ATPAF1: variants seen among roughly 807,000 people sequenced by gnomAD.
The protein encoded by ATPAF1 is homolog of yeast ATP11.
Under a neutral mutation model 43.9 loss-of-function variants are expected in ATPAF1, and 26 were observed. That is an observed-to-expected ratio of 0.59 (90% CI 0.43 to 0.82). The LOEUF is 0.82. ATPAF1 is among the 40% of genes least tolerant of loss of function. The pLI is 0.00. For synonymous variants in ATPAF1, 157 were observed against 168.0 expected, an observed-to-expected ratio of 0.93 and a Z score of 0.50; for missense variants, 366 against 435.0, an observed-to-expected ratio of 0.84 and a Z score of 1.41.
intron 8 of ATPAF1, among the ~76,000 whole-genome samples, chr1:46,638,629 A>G (rs1486392169): frequency 4.6e-5 from 7 of 152,010 alleles, no homozygotes; most frequent in Admixed American, 4.6e-4. Context: ...TCCAAAAAAA[A>G]AAAAAAAAGT....
At chr1:46,633,250 G>A (rs1197161201), downstream of ATPAF1, 2 of 156,168 alleles carry the variant, frequency 1.3e-5, no homozygotes, top group African/African-American at 4.9e-5. Context: ...TCTTTTAACT[G>A]GAATAAAGAA....
At position 46,665,120 on chromosome 1, in the gene ATPAF1, G is replaced by A. The variant is rs965336092; in HGVS notation, c.375+136C>T. The stretch of plus-strand genomic sequence containing the variant: ...AAGAGCAGGATAAACATTTATGGAT[G>A]GAAATGGAGTTGGGAGAGACTATGT... On this transcript the variant is annotated intron_variant, in intron 2 of 8. Transcript: ENST00000574428. 6.1e-5 allele frequency: 46 copies of A among 760,328 alleles called. No homozygotes were observed. The African/African-American group carries it at 7.3e-4, about 12-fold the overall frequency. 47.1% of individuals were successfully genotyped at this position (760,328 alleles called of 1,614,324 possible). A position where few individuals can be genotyped will look rare whatever the true frequency, so the allele number is the denominator to read the frequency against.
intron 6 of ATPAF1, among the ~76,000 whole-genome samples, chr1:46,647,773 C>T (rs1051179881): frequency 6.6e-6 from 1 of 152,130 alleles, no homozygotes; most frequent in African/African-American, 2.4e-5. Context: ...GCAATATGAC[C>T]GGCAGTATAG....
At chr1:46,666,559 G>C (rs1676494676) in intron 1 of ATPAF1, among the ~76,000 whole-genome samples, 1 of 152,214 alleles carries the variant, frequency 6.6e-6, no homozygotes, top group Non-Finnish European at 1.5e-5. Flanking sequence ...ACAAATGAAA[G>C]TACAACAGGT....
Position 46,649,096 on chromosome 1 carries a change from A to G in ATPAF1, c.588+3485T>C, listed in dbSNP as rs1293456808. On this transcript the variant is annotated intron_variant, in intron 6 of 8. Transcript: ENST00000574428. ...AGAATAGCTTAAACCCAGGAGGTGGAGGTTGCAGTGAGCTGAGATCATACT... is the reference window on the plus strand; with the variant it reads ...AGAATAGCTTAAACCCAGGAGGTGGGGGTTGCAGTGAGCTGAGATCATACT... 4.1e-5 allele frequency among the ~76,000 whole-genome samples: 6 copies of G among 144,616 alleles called. No individual in the cohort carries two copies. The South Asian group carries it at 1.3e-3, about 32-fold the overall frequency. The allele number at this position is 144,616 out of a possible 152,430, so 94.9% of individuals were successfully genotyped here. A position where few individuals can be genotyped will look rare whatever the true frequency, so the allele number is the denominator to read the frequency against.
At chr1:46,641,203 G>A (rs1459037913) in intron 8 of ATPAF1, among the ~76,000 whole-genome samples, 1 of 152,066 alleles carries the variant, frequency 6.6e-6, no homozygotes, top group Admixed American at 6.6e-5. Flanking sequence ...TCAGCCTTCC[G>A]AGCAGCTGAG....
intron 6 of ATPAF1, among the ~76,000 whole-genome samples, chr1:46,648,219 C>T (rs1557928552): frequency 6.6e-6 from 1 of 152,162 alleles, no homozygotes; most frequent in Non-Finnish European, 1.5e-5. Flanking sequence ...TCAAGCGATT[C>T]TCATGCCTCA....
In ATPAF1 at chr1:46,653,523, GA is replaced by G. The variant is rs1569618928; in HGVS notation, c.540+293del. Among the ~76,000 whole-genome samples the G allele has an allele frequency of 6.6e-6, 1 of 151,600 alleles. No homozygotes were observed. The highest frequency in any genetic ancestry group is 1.9e-4 in the East Asian group (1 of 5,176). ...CAGCTTGGTTGGAAAACATCAGTAA[GA>G]AAAAAAAGACATCTGGAAATTACTC... On this transcript the variant is annotated intron_variant, in intron 5 of 8. Transcript: ENST00000574428. The surrounding 1 kb of genome is among the most constrained non-coding windows in gnomAD (Gnocchi z 4.8).
At chr1:46,662,856 T>C (rs935006698) in intron 2 of ATPAF1, among the ~76,000 whole-genome samples, 3 of 152,198 alleles carry the variant, frequency 2.0e-5, no homozygotes, top group African/African-American at 7.2e-5. Flanking sequence ...TATCTATACA[T>C]GTACCATGTT....
chr1:46,652,317 C>G, intron 6 of ATPAF1: 1 of 328,606 alleles, frequency 3.0e-6, no homozygotes, highest in Non-Finnish European at 5.6e-6. Flanking sequence ...TGGTAGGGAG[C>G]TAAAAAGCCA....
chr1:46,665,445 C>A, intron 1 of ATPAF1, 81 bp from the exon 2 acceptor site: 1 of 1,443,986 alleles, frequency 6.9e-7, no homozygotes, highest in African/African-American at 1.4e-5. Flanking sequence ...TCCACCTCTA[C>A]AGAGAAAGGA....
rs56095996 is a variant in ATPAF1 at position 46,647,503 on chromosome 1, T to TAC, written c.589-2249_589-2248dup. The stretch of plus-strand genomic sequence containing the variant: ...ATTCCATTGTGTATGTATACACACA[T>TAC]ACACACACACACACACACACATGCA... On this transcript the variant is annotated intron_variant, in intron 6 of 8. Coordinates refer to ENST00000574428, the Ensembl canonical transcript of ATPAF1. Among the ~76,000 whole-genome samples, 597 of 150,710 alleles carry TAC rather than the reference T, an allele frequency of 4.0e-3. 1 individual carries two copies. Among genetic ancestry groups the TAC allele is most frequent in the African/African-American group, 0.012 (484 of 41,090 alleles).
At position 46,668,146 on chromosome 1, in the gene ATPAF1, G is replaced by A. The variant is rs56218488; in HGVS notation, c.177C>T (p.Gly59=). Residue 59 remains glycine, a synonymous_variant, in exon 1 of 9, where the codon GGC becomes GGT. Transcript: ENST00000574428. This position sits in a 1 kb window ranked among gnomAD's most constrained non-coding sequence, Gnocchi z 4.4. ...CGGCCCCGACCCCGCTGCTGTCGGC[G>A]CCCCCCTCGGGCCGGCCCGAGCCGG... is the stretch of plus-strand genomic sequence containing the variant. The A allele has an allele frequency of 3.6e-6, 5 of 1,397,750 alleles. No homozygotes were observed. The highest frequency in any genetic ancestry group is 4.6e-6 in the Non-Finnish European group (5 of 1,076,724). 86.6% of individuals were successfully genotyped at this position (1,397,750 alleles called of 1,614,324 possible). A position where few individuals can be genotyped will look rare whatever the true frequency, so the allele number is the denominator to read the frequency against.
intron 8 of ATPAF1, among the ~76,000 whole-genome samples, chr1:46,637,298 T>G (rs1394230634): frequency 6.6e-6 from 1 of 152,090 alleles, no homozygotes; most frequent in Non-Finnish European, 1.5e-5. Context: ...GAGGATTGCT[T>G]GAGACCAGGA....
At chr1:46,642,308 G>A (rs1675964622) in intron 8 of ATPAF1, among the ~76,000 whole-genome samples, 1 of 152,226 alleles carries the variant, frequency 6.6e-6, no homozygotes, top group Non-Finnish European at 1.5e-5. Context: ...CAGCTGGTAA[G>A]AGAAAGAGAA....
chr1:46,668,216 A>G lies in ATPAF1; in HGVS notation c.107T>C (p.Leu36Pro). ...CAGCTGCGCGGGTGACACGAGCCCCAGGCCCAGGGCGCGGCTGCGCACCGC... is the reference window on the plus strand; with the variant it reads ...CAGCTGCGCGGGTGACACGAGCCCCGGGCCCAGGGCGCGGCTGCGCACCGC... Residue 36 changes from leucine to proline, a missense_variant, in exon 1 of 9, where the codon CTG (leucine) becomes CCG (proline). Transcript: ENST00000574428. The surrounding 1 kb of genome is among the most constrained non-coding windows in gnomAD (Gnocchi z 4.4). The G allele has an allele frequency of 7.3e-7, 1 of 1,369,530 alleles. No individual in the cohort carries two copies. The highest frequency in any genetic ancestry group is 9.4e-7 in the Non-Finnish European group (1 of 1,061,132). 84.8% of individuals were successfully genotyped at this position (1,369,530 alleles called of 1,614,324 possible). A position where few individuals can be genotyped will look rare whatever the true frequency, so the allele number is the denominator to read the frequency against.
In ATPAF1 at chr1:46,668,303, G is replaced by A. The variant is rs1229322701; in HGVS notation, c.20C>T (p.Ala7Val). The stretch of plus-strand genomic sequence containing the variant: ...CGCCGGTCCCGCGCCACCCGCAGCC[G>A]CCACCACCACAGCAGCCATGGCCGC... The change falls in exon 1 of 9, where the codon GCG becomes GTG. Residue 7 changes from alanine (A) to valine (V), a missense_variant. Physicochemically the swap from Ala to Val is moderately conservative, Grantham distance 64 (BLOSUM62 0). Transcript: ENST00000574428. The surrounding 1 kb of genome is among the most constrained non-coding windows in gnomAD (Gnocchi z 4.4). The A allele has an allele frequency of 2.9e-6, 4 of 1,379,536 alleles. No homozygotes were observed. The highest frequency in any genetic ancestry group is 3.8e-6 in the Non-Finnish European group (4 of 1,061,780). 85.5% of individuals were successfully genotyped at this position (1,379,536 alleles called of 1,614,324 possible).
chr1:46,652,511 C>T (rs1425619108), intron 6 of ATPAF1, 70 bp downstream of exon 6: 30 of 1,470,978 alleles, frequency 2.0e-5, no homozygotes, highest in Middle Eastern at 1.7e-4. Flanking sequence ...TGGAATATGA[C>T]GTGATGGGCT....
chr1:46,645,504 G>A (rs1399424064), intron 6 of ATPAF1, among the ~76,000 whole-genome samples: 1 of 151,872 alleles, frequency 6.6e-6, no homozygotes, highest in African/African-American at 2.4e-5. Flanking sequence ...GGAACTGCAG[G>A]TGTGCACCAC....
Sources: gnomAD v4.1 joint callset for allele counts (sites outside exome capture counted in the v4.1 genomes callset) on GRCh38, gnomAD v4.1.1 for gene constraint, Gnocchi (gnomAD v3.1) non-coding constraint, MANE v1.5 for transcripts, NCBI Gene and HGNC (gene_info 2026-07-23, HGNC 2026-07-21) for gene names.